AKR1D1: variants seen among roughly 807,000 people sequenced by gnomAD.
AKR1D1 encodes aldo-keto reductase family 1 member D1, also known as delta(4)-3-ketosteroid 5-beta-reductase.
A neutral mutation model predicts 42.6 loss-of-function variants in AKR1D1; 32 were observed. That is an observed-to-expected ratio of 0.75 (90% confidence interval 0.57 to 1.01). The LOEUF (loss-of-function observed/expected upper bound fraction) is 1.01, where lower values mean the gene tolerates loss of function less well. AKR1D1 is among the 50% of genes least tolerant of loss of function. The pLI is 0.00. For missense variants in AKR1D1, 364 were observed against 402.2 expected, an observed-to-expected ratio of 0.91 and a Z score of 0.81; for synonymous variants, 123 against 135.5, an observed-to-expected ratio of 0.91 and a Z score of 0.64.
chr7:138,090,793 C>A (rs762035053), intron 2 of AKR1D1, among the ~76,000 whole-genome samples: 2 of 152,186 alleles, frequency 1.3e-5, no homozygotes, highest in Non-Finnish European at 2.9e-5. Context: ...TAAGGGTACA[C>A]ATGCTCCAGT....
chr7:138,104,910 C>T (rs1794390409), intron 4 of AKR1D1, among the ~76,000 whole-genome samples: 1 of 152,022 alleles, frequency 6.6e-6, no homozygotes, highest in Non-Finnish European at 1.5e-5. Context: ...CAGGCATGCA[C>T]CACCATGCCT....
chr7:138,115,586 A>T (rs1350451610), intron 8 of AKR1D1, among the ~76,000 whole-genome samples: 1 of 152,254 alleles, frequency 6.6e-6, no homozygotes, highest in African/African-American at 2.4e-5. Context: ...TTACCAGGAA[A>T]TAACTAGAAA....
intron 2 of AKR1D1, among the ~76,000 whole-genome samples, chr7:138,089,435 TA>T (rs201870108): frequency 3.7e-3 from 494 of 131,832 alleles, no homozygotes; most frequent in Middle Eastern, 0.018. Flanking sequence ...AAACGTAAAT[TA>T]AAAAAAAAAA....
intron 8 of AKR1D1, among the ~76,000 whole-genome samples, chr7:138,115,893 A>G (rs922590214): frequency 6.6e-6 from 1 of 152,128 alleles, no homozygotes; most frequent in African/African-American, 2.4e-5. Context: ...CTAGATCTCA[A>G]ACTCTCAACA....
At chr7:138,085,647 T>C (rs1439143296) in intron 1 of AKR1D1, among the ~76,000 whole-genome samples, 2 of 152,076 alleles carry the variant, frequency 1.3e-5, no homozygotes, top group Admixed American at 6.6e-5. Flanking sequence ...GGTTTCACCA[T>C]GTTGGCCAGG....
At chr7:138,113,661 A>G in intron 7 of AKR1D1, 29 bp from the exon 8 acceptor site, 1 of 1,603,434 alleles carries the variant, frequency 6.2e-7, no homozygotes, top group East Asian at 2.2e-5. Context: ...TTGACCTTCA[A>G]AAATGTTCTA....
At chr7:138,105,515 G>T in intron 5 of AKR1D1, 86 bp downstream of exon 5, 1 of 1,571,256 alleles carries the variant, frequency 6.4e-7, no homozygotes. Context: ...GAGTCAGGAA[G>T]GCTCATGATT....
At chr7:138,098,497 C>A (rs1794227106) in intron 4 of AKR1D1, among the ~76,000 whole-genome samples, 1 of 151,998 alleles carries the variant, frequency 6.6e-6, no homozygotes, top group African/African-American at 2.4e-5. Flanking sequence ...ATAATCCCGG[C>A]TACTCAGGAG....
intron 8 of AKR1D1, among the ~76,000 whole-genome samples, chr7:138,114,810 A>T (rs1794604836): frequency 6.6e-6 from 1 of 152,016 alleles, no homozygotes; most frequent in South Asian, 2.1e-4. Context: ...AAATCACCTG[A>T]ATATTCATCT....
intron 8 of AKR1D1, among the ~76,000 whole-genome samples, chr7:138,116,071 G>T (rs1030717955): frequency 2.0e-5 from 3 of 151,950 alleles, no homozygotes; most frequent in Non-Finnish European, 4.4e-5. Flanking sequence ...CCTGCTACTT[G>T]GGAGGCTGAG....
At chr7:138,106,738 C>T (rs762292527) in intron 6 of AKR1D1, 21 bp downstream of exon 6, 1 of 1,552,046 alleles carries the variant, frequency 6.4e-7, no homozygotes, top group Non-Finnish European at 8.9e-7. Context: ...CTTTAGGAAG[C>T]ATTTCCTTTG....
At chr7:138,112,693 A>G (rs1453916603) in intron 7 of AKR1D1, among the ~76,000 whole-genome samples, 6 of 151,834 alleles carry the variant, frequency 4.0e-5, no homozygotes, top group Non-Finnish European at 5.9e-5. Context: ...CAAAGAGCGT[A>G]TATTTATGTA....
intron 8 of AKR1D1, 48 bp from the exon 9 acceptor site, chr7:138,116,572 G>A: frequency 6.2e-7 from 1 of 1,608,772 alleles, no homozygotes; most frequent in Non-Finnish European, 8.5e-7. Flanking sequence ...ACATACAGCT[G>A]TGCAATTTTT....
intron 4 of AKR1D1, among the ~76,000 whole-genome samples, chr7:138,104,328 T>G (rs905533296): frequency 6.6e-6 from 1 of 152,006 alleles, no homozygotes; most frequent in African/African-American, 2.4e-5. Flanking sequence ...CATATATGTA[T>G]GAGAGAGAGA....
chr7:138,088,841 CGTGT>C lies in AKR1D1; in HGVS notation c.261+86_261+89del, dbSNP rs35802315. The C allele has an allele frequency of 1.5e-4, 183 of 1,230,246 alleles. 1 individual carries two copies. The highest frequency in any genetic ancestry group is 2.0e-4 in the Non-Finnish European group (177 of 879,108). 76.2% of individuals were successfully genotyped at this position (1,230,246 alleles called of 1,614,324 possible). The stretch of plus-strand genomic sequence containing the variant: ...GTTGTTCATTTTATTATTCATCTTC[CGTGT>C]GTGTGTGTGTGTAATTGCACTCATG... On this transcript the variant is annotated intron_variant, in intron 2 of 8. Coordinates refer to ENST00000242375, the MANE Select transcript of AKR1D1 (RefSeq NM_005989.4).
chr7:138,104,146 A>C (rs10236161), intron 4 of AKR1D1, among the ~76,000 whole-genome samples: 35,725 of 151,946 alleles, frequency 0.24, 5,817 homozygotes, highest in African/African-American at 0.46. Flanking sequence ...TCAAAAAAAA[A>C]CACAGAAGAA....
chr7:138,097,594 G>T (rs1794207692), intron 3 of AKR1D1, among the ~76,000 whole-genome samples: 1 of 152,230 alleles, frequency 6.6e-6, no homozygotes, highest in South Asian at 2.1e-4. Flanking sequence ...ACAAGTCCCA[G>T]TAGCCTGAGG....
chr7:138,083,445 A>C (rs1025462333), intron 1 of AKR1D1, among the ~76,000 whole-genome samples: 1 of 151,888 alleles, frequency 6.6e-6, no homozygotes, highest in Non-Finnish European at 1.5e-5. Flanking sequence ...CTTCTTTGCT[A>C]TTGAGTTGTA....
intron 1 of AKR1D1, among the ~76,000 whole-genome samples, chr7:138,083,302 T>A (rs556752149): frequency 5.9e-5 from 9 of 152,342 alleles, no homozygotes; most frequent in Admixed American, 5.2e-4. Context: ...ATAGTGATAT[T>A]GATATTTATA....
Sources: allele counts gnomAD v4.1 joint callset (sites outside exome capture counted in the v4.1 genomes callset), GRCh38; gene constraint gnomAD v4.1.1; transcripts MANE v1.5; gene names NCBI Gene and HGNC (gene_info 2026-07-23, HGNC 2026-07-21).